The following RXRA variants were observed in gnomAD, a reference collection of about 807,000 sequenced individuals.
RXRA encodes retinoid X receptor alpha.
In RXRA, 5 loss-of-function variants were observed where a neutral mutation model predicts 44.5. The observed-to-expected ratio is 0.11, with a 90% CI of 0.06 to 0.24. The LOEUF is 0.24. Ranked by LOEUF, RXRA falls within the 10% of genes least tolerant of loss-of-function variation. RXRA has a pLI of 1.00. For synonymous variants in RXRA, 291 were observed against 271.4 expected (o/e 1.07, Z -0.71); for missense variants, 412 against 646.5 (o/e 0.64, Z 3.93).
chr9:134,427,067 C>T (rs1233926768), intron 6 of RXRA: 2 of 980,556 alleles, frequency 2.0e-6, no homozygotes, highest in Non-Finnish European at 2.4e-6. Flanking sequence ...GCAAACCCTT[C>T]CCCTCCCTGG....
At position 134,426,452 on chromosome 9, in the gene RXRA, C is replaced by G; in HGVS notation, c.911-2656C>G. The G allele has an allele frequency of 1.0e-6, 1 of 985,358 alleles. No individual in the cohort carries two copies. The highest frequency in any genetic ancestry group is 1.2e-6 in the Non-Finnish European group (1 of 829,910). The allele number at this position is 985,358 out of a possible 1,614,324, so 61.0% of individuals were successfully genotyped here. On this transcript the variant is annotated intron_variant, in intron 6 of 9. Transcript: ENST00000481739. This position sits in a 1 kb window ranked among gnomAD's most constrained non-coding sequence, Gnocchi z 4.6. Reference sequence around the variant, plus strand: ...AGGAGAAATAACCGAGTGAGGACATCGGGGTGGAGGGACAGGGGACAGGGG... The same window carrying G: ...AGGAGAAATAACCGAGTGAGGACATGGGGGTGGAGGGACAGGGGACAGGGG...
At chr9:134,334,387 G>A (rs1162152706) in intron 1 of RXRA, among the ~76,000 whole-genome samples, 2 of 152,268 alleles carry the variant, frequency 1.3e-5, no homozygotes, top group Non-Finnish European at 2.9e-5. Context: ...AGAGAGGCTG[G>A]CAGGCCGCAT....
At chr9:134,372,162 G>A (rs1004785335) in intron 1 of RXRA, 4 of 152,242 alleles carry the variant, frequency 2.6e-5, no homozygotes, top group African/African-American at 9.7e-5. Context: ...GTGAGGATGG[G>A]TTTGAAGCCC....
chr9:134,380,779 TC>T (rs1185590726), intron 1 of RXRA, among the ~76,000 whole-genome samples: 1 of 151,766 alleles, frequency 6.6e-6, no homozygotes, highest in Non-Finnish European at 1.5e-5. Flanking sequence ...CTGGCCGAGG[TC>T]TGAGGCCAGA....
chr9:134,393,663 TG>T (rs1306423413), intron 1 of RXRA, among the ~76,000 whole-genome samples: 2 of 152,148 alleles, frequency 1.3e-5, no homozygotes, highest in Non-Finnish European at 2.9e-5. Flanking sequence ...CATGACAGGG[TG>T]GGGTTCCTGC....
intron 1 of RXRA, among the ~76,000 whole-genome samples, chr9:134,372,472 A>G (rs1236353835): frequency 6.6e-6 from 1 of 152,138 alleles, no homozygotes; most frequent in East Asian, 1.9e-4. Context: ...GAGGGGAGAC[A>G]GTGGTTGGAC....
chr9:134,418,089 A>G (rs1831270410), intron 5 of RXRA, among the ~76,000 whole-genome samples: 1 of 152,126 alleles, frequency 6.6e-6, no homozygotes, highest in South Asian at 2.1e-4. Context: ...CAGGGAGGGC[A>G]GCACAGGGGC....
intron 6 of RXRA, chr9:134,425,707 A>T: frequency 1.0e-6 from 1 of 985,286 alleles, no homozygotes; most frequent in Non-Finnish European, 1.2e-6. Context: ...AATCCTGCCC[A>T]CATCTCTGGC....
chr9:134,339,262 C>T (rs1341739236), intron 1 of RXRA, among the ~76,000 whole-genome samples: 1 of 152,290 alleles, frequency 6.6e-6, no homozygotes, highest in Non-Finnish European at 1.5e-5. Context: ...TCCTCCCTCC[C>T]TGCCTGGCCT....
chr9:134,357,694 A>G (rs1056550475), intron 1 of RXRA, among the ~76,000 whole-genome samples: 1 of 152,246 alleles, frequency 6.6e-6, no homozygotes, highest in Non-Finnish European at 1.5e-5. Flanking sequence ...CCAGTCAGAT[A>G]TGTTACCCAG....
At chr9:134,359,235 G>A (rs957955638) in intron 1 of RXRA, among the ~76,000 whole-genome samples, 5 of 152,160 alleles carry the variant, frequency 3.3e-5, no homozygotes, top group African/African-American at 4.8e-5. Flanking sequence ...GGAAATTGAG[G>A]CAGAGCCAGG....
chr9:134,382,788 T>C (rs984925698), intron 1 of RXRA, among the ~76,000 whole-genome samples: 4 of 152,136 alleles, frequency 2.6e-5, no homozygotes, highest in African/African-American at 7.2e-5. Flanking sequence ...GACATGTGCC[T>C]GAGAGCTGGT....
chr9:134,343,174 G>C lies in RXRA; in HGVS notation c.28+16515G>C, dbSNP rs1554748307. On this transcript the variant is annotated intron_variant, in intron 1 of 9. Transcript: ENST00000481739. This position sits in a 1 kb window ranked among gnomAD's most constrained non-coding sequence, Gnocchi z 4.1. ...AGGGCCCCACACAGACCTTTTACAT[G>C]CTGTGTGACCTGGGGCAGCGTGTCT... 6.6e-6 allele frequency among the ~76,000 whole-genome samples: 1 copy of C among 152,150 alleles called. No individual in the cohort carries two copies. The highest frequency in any genetic ancestry group is 1.5e-5 in the Non-Finnish European group (1 of 68,014).
intron 1 of RXRA, among the ~76,000 whole-genome samples, chr9:134,397,349 G>A (rs890186527): frequency 2.0e-5 from 3 of 152,182 alleles, no homozygotes; most frequent in African/African-American, 2.4e-5. Context: ...CTTAGCCCCC[G>A]ACACTCAGGA....
intron 1 of RXRA, among the ~76,000 whole-genome samples, chr9:134,398,434 T>A (rs957647684): frequency 1.7e-4 from 26 of 152,202 alleles, no homozygotes; most frequent in Non-Finnish European, 3.5e-4. Flanking sequence ...TCTTTTTTAA[T>A]GTCCTCTTCC....
intron 1 of RXRA, chr9:134,379,351 C>T (rs1468222217): frequency 1.0e-6 from 1 of 987,370 alleles, no homozygotes; most frequent in Non-Finnish European, 1.2e-6. Context: ...CCGTGACAGA[C>T]AGTGGGAGGG....
intron 1 of RXRA, among the ~76,000 whole-genome samples, chr9:134,363,460 G>A (rs1409257538): frequency 6.6e-6 from 1 of 152,234 alleles, no homozygotes; most frequent in African/African-American, 2.4e-5. Flanking sequence ...CATGGGCCTG[G>A]TGTGGCACCA....
chr9:134,385,525 C>T (rs1289336387), intron 1 of RXRA, among the ~76,000 whole-genome samples: 1 of 152,200 alleles, frequency 6.6e-6, no homozygotes, highest in African/African-American at 2.4e-5. Context: ...CCCCCACGCC[C>T]CCACAGGACG....
intron 4 of RXRA, among the ~76,000 whole-genome samples, chr9:134,415,660 G>T (rs1166467319): frequency 1.3e-5 from 2 of 151,984 alleles, no homozygotes; most frequent in African/African-American, 4.8e-5. Flanking sequence ...ACCATCCTAG[G>T]CCTCAGACCA....
Sources: gnomAD v4.1 joint callset for allele counts (sites outside exome capture counted in the v4.1 genomes callset) on GRCh38, gnomAD v4.1.1 for gene constraint, Gnocchi (gnomAD v3.1) non-coding constraint, MANE v1.5 for transcripts, NCBI Gene and HGNC (gene_info 2026-07-23, HGNC 2026-07-21) for gene names.